The following ZBTB49 variants were observed in gnomAD, a reference collection of about 807,000 sequenced individuals.
ZBTB49 encodes zinc finger and BTB domain containing 49.
In ZBTB49, 43 loss-of-function variants were observed where a neutral mutation model predicts 57.5. The observed-to-expected ratio is 0.75, with a 90% CI of 0.59 to 0.97. ZBTB49 has a LOEUF of 0.97. ZBTB49 is among the 50% of genes least tolerant of loss of function. ZBTB49 has a pLI of 0.00. For missense variants in ZBTB49, 938 were observed against 947.7 expected (o/e 0.99, Z 0.13); for synonymous variants, 369 against 362.1 (o/e 1.02, Z -0.22).
intron 7 of ZBTB49, among the ~76,000 whole-genome samples, chr4:4,318,106 C>T (rs911677162): frequency 6.6e-6 from 1 of 152,164 alleles, no homozygotes; most frequent in Admixed American, 6.5e-5. Flanking sequence ...AGGAGGTGGG[C>T]GTCATTCCCC....
At chr4:4,303,770 G>GTGTGTGTGTGTGTGTCTC (rs377326067) in intron 3 of ZBTB49, among the ~76,000 whole-genome samples, 2 of 25,264 alleles carry the variant, frequency 7.9e-5, no homozygotes, top group African/African-American at 2.0e-4. Context: ...CTGTGTGTGT[G>GTGTGTGTGTGTGTGTCTC]TCTCTCTCTC....
At chr4:4,319,076 A>G (rs1441710466) in intron 7 of ZBTB49, among the ~76,000 whole-genome samples, 1 of 151,702 alleles carries the variant, frequency 6.6e-6, no homozygotes, top group Non-Finnish European at 1.5e-5. Flanking sequence ...TATTTTTTGT[A>G]GAGACAGGGT....
At chr4:4,313,214 A>AC in intron 5 of ZBTB49, 100 bp downstream of exon 5, 1 of 1,364,322 alleles carries the variant, frequency 7.3e-7, no homozygotes, top group Non-Finnish European at 1.0e-6. Flanking sequence ...CAGATGAGCC[A>AC]CAGGTGGGCT....
chr4:4,303,619 T>C (rs890919638), intron 3 of ZBTB49, among the ~76,000 whole-genome samples: 2 of 152,178 alleles, frequency 1.3e-5, no homozygotes, highest in African/African-American at 4.8e-5. Flanking sequence ...GCTTTAACCA[T>C]TTGATATTCT....
chr4:4,292,045 A>T (rs2916432), intron 1 of ZBTB49, among the ~76,000 whole-genome samples: 35,042 of 151,336 alleles, frequency 0.23, 4,842 homozygotes, highest in Admixed American at 0.32. Flanking sequence ...GGCTGAGGCG[A>T]GTGGATCATT....
At chr4:4,319,795 G>A (rs1185657993) in intron 7 of ZBTB49, among the ~76,000 whole-genome samples, 1 of 151,918 alleles carries the variant, frequency 6.6e-6, no homozygotes, top group Admixed American at 6.6e-5. Flanking sequence ...TCCAGCCTGG[G>A]CGCCTCACTC....
At chr4:4,298,851 C>G (rs1293129958) in intron 1 of ZBTB49, among the ~76,000 whole-genome samples, 1 of 152,212 alleles carries the variant, frequency 6.6e-6, no homozygotes, top group Non-Finnish European at 1.5e-5. Flanking sequence ...GCTTACTGGC[C>G]TGTGTATACC....
At chr4:4,297,338 G>A (rs1720255757) in intron 1 of ZBTB49, among the ~76,000 whole-genome samples, 3 of 152,308 alleles carry the variant, frequency 2.0e-5, no homozygotes, top group East Asian at 1.9e-4. Flanking sequence ...CTAAAATGCT[G>A]GGATTACAGG....
chr4:4,311,941 T>C (rs1720996727), intron 4 of ZBTB49, among the ~76,000 whole-genome samples: 1 of 151,516 alleles, frequency 6.6e-6, no homozygotes, highest in Non-Finnish European at 1.5e-5. Context: ...GCATTTTTAA[T>C]ACTTGTGAAT....
At chr4:4,296,516 T>G (rs926174989) in intron 1 of ZBTB49, among the ~76,000 whole-genome samples, 2 of 152,216 alleles carry the variant, frequency 1.3e-5, no homozygotes, top group African/African-American at 4.8e-5. Context: ...ATGTAGGACA[T>G]GACTTGCTCC....
intron 5 of ZBTB49, among the ~76,000 whole-genome samples, chr4:4,314,896 G>C (rs1036889025): frequency 6.6e-6 from 1 of 152,228 alleles, no homozygotes; most frequent in African/African-American, 2.4e-5. Context: ...ATGACTAGAT[G>C]GGATAATGGT....
At position 4,321,376 on chromosome 4, in the gene ZBTB49, T is replaced by C; in HGVS notation, c.*60T>C. The C allele has an allele frequency of 6.4e-7, 1 of 1,556,484 alleles. No homozygotes were observed. The highest frequency in any genetic ancestry group is 2.3e-5 in the East Asian group (1 of 44,078). Reference sequence around the variant, plus strand: ...CAGTTTAGCAGGCTGGTGTTAAGGCTGTAGGAGGACCCAGTTTCCCCATGA... The same window carrying C: ...CAGTTTAGCAGGCTGGTGTTAAGGCCGTAGGAGGACCCAGTTTCCCCATGA... On this transcript the variant is annotated 3_prime_UTR_variant, in exon 8 of 8. Transcript: ENST00000337872.
chr4:4,309,020 C>T (rs572885167), intron 4 of ZBTB49, among the ~76,000 whole-genome samples: 7 of 152,270 alleles, frequency 4.6e-5, no homozygotes, highest in East Asian at 1.9e-4. Flanking sequence ...GAATGCCCAC[C>T]GGCCCATCCT....
chr4:4,319,336 G>T (rs1479729483), intron 7 of ZBTB49, among the ~76,000 whole-genome samples: 4 of 152,196 alleles, frequency 2.6e-5, no homozygotes, highest in Non-Finnish European at 5.9e-5. Context: ...GATGTAAAGT[G>T]AAAAGTTCTA....
At chr4:4,304,998 A>G (rs1430323679) in intron 3 of ZBTB49, among the ~76,000 whole-genome samples, 1 of 151,962 alleles carries the variant, frequency 6.6e-6, no homozygotes, top group Non-Finnish European at 1.5e-5. Flanking sequence ...AGGATTGTTA[A>G]CCTTGGTCAT....
In ZBTB49 at chr4:4,321,022, G is replaced by A; in HGVS notation, c.2004G>A (p.Glu668=). The change falls in exon 8 of 8, where the codon GAG becomes GAA. Residue 668 remains glutamate, a synonymous_variant. Transcript: ENST00000337872. The part of the protein sequence containing the change: ...MIQPHGVSDQ[E]KLSLDPGKLA... ...AACCTCATGGAGTTAGTGACCAGGA[G>A]AAGCTGAGTTTGGATCCTGGTAAAC... 6.2e-7 allele frequency: 1 copy of A among 1,614,210 alleles called. No homozygotes were observed. Among genetic ancestry groups the A allele is most frequent in the Non-Finnish European group, 8.5e-7 (1 of 1,180,044 alleles).
In ZBTB49 at chr4:4,302,367, T is replaced by G; in HGVS notation, c.531T>G (p.Ala177=). The G allele has an allele frequency of 6.2e-7, 1 of 1,614,218 alleles. No homozygotes were observed. Among genetic ancestry groups the G allele is most frequent in the Non-Finnish European group, 8.5e-7 (1 of 1,180,040 alleles). ...NKTLDESHPH[A]SPSVNRHHSA... ...CGTTGGATGAATCGCATCCGCATGCTTCACCATCAGTTAATCGTCATCACT... is the reference window on the plus strand; with the variant it reads ...CGTTGGATGAATCGCATCCGCATGCGTCACCATCAGTTAATCGTCATCACT... Residue 177 remains alanine (A), a synonymous_variant, in exon 3 of 8, where the codon GCT becomes GCG. Coordinates refer to ENST00000337872, the MANE Select transcript of ZBTB49 (RefSeq NM_145291.4).
Position 4,315,814 on chromosome 4 carries a change from A to G in ZBTB49, c.1465A>G (p.Ser489Gly). The change falls in exon 7 of 8, where the codon AGT (serine) becomes GGT (glycine). Residue 489 changes from serine to glycine, a missense_variant. By Grantham distance (56) the Ser-to-Gly change is moderately conservative. Transcript: ENST00000337872. ...HLCDICGRGF[S>G]NFSNLKEHKK... is the part of the protein sequence containing the mutation. ...ACCTGTTATGGTCTCTCTAGGGTTT[A>G]GTAACTTCAGTAATTTGAAGGAGCA... 1 of 1,614,222 alleles carries G rather than the reference A, an allele frequency of 6.2e-7. No homozygotes were observed. The highest frequency in any genetic ancestry group is 8.5e-7 in the Non-Finnish European group (1 of 1,180,032).
At chr4:4,308,242 T>C (rs1652337950) in intron 4 of ZBTB49, among the ~76,000 whole-genome samples, 1 of 152,032 alleles carries the variant, frequency 6.6e-6, no homozygotes, top group Admixed American at 6.6e-5. Context: ...CACGCCCAGC[T>C]CAGTTTTTAT....
Sources: allele counts gnomAD v4.1 joint callset (sites outside exome capture counted in the v4.1 genomes callset), GRCh38; gene constraint gnomAD v4.1.1; transcripts MANE v1.5; gene names NCBI Gene and HGNC (gene_info 2026-07-23, HGNC 2026-07-21).